SWT1: variants seen among roughly 807,000 people sequenced by gnomAD.
SWT1 encodes the protein SWT1 RNA endoribonuclease homolog.
A neutral mutation model predicts 107.3 loss-of-function variants in SWT1; 33 were observed. The ratio of observed to expected loss-of-function variants is 0.31; its 90% CI spans 0.23 to 0.41. SWT1 has a LOEUF of 0.41. Among genes scored for constraint, SWT1 ranks in the 10% least tolerant of loss-of-function variants. The pLI is 1.00. For synonymous variants in SWT1, 345 were observed against 348.3 expected, an observed-to-expected ratio of 0.99 and a Z score of 0.11; for missense variants, 898 against 1,028.9, an observed-to-expected ratio of 0.87 and a Z score of 1.74.
chr1:185,197,525 A>T (rs1449341608), intron 10 of SWT1, among the ~76,000 whole-genome samples: 1 of 152,178 alleles, frequency 6.6e-6, no homozygotes, highest in Non-Finnish European at 1.5e-5. Context: ...TAGTTTCAGA[A>T]GGAATGGTGC....
At chr1:185,267,364 G>A (rs1663481216) in intron 16 of SWT1, among the ~76,000 whole-genome samples, 1 of 152,208 alleles carries the variant, frequency 6.6e-6, no homozygotes, top group Non-Finnish European at 1.5e-5. Context: ...AATTTAGGGT[G>A]TTAAAGCTGG....
intron 18 of SWT1, 60 bp downstream of exon 18, chr1:185,276,728 C>T: frequency 1.1e-6 from 1 of 880,902 alleles, no homozygotes; most frequent in South Asian, 2.1e-5. Context: ...TATACAGCAG[C>T]ACTTGGTGGT....
At position 185,174,713 on chromosome 1, in the gene SWT1, G is replaced by A. The variant is rs2102346317; in HGVS notation, c.566G>A (p.Gly189Glu). The change falls in exon 5 of 19, where the codon GGA becomes GAA. Residue 189 changes from glycine to glutamate, a missense_variant. By Grantham distance (98) the Gly-to-Glu change is moderately conservative. Transcript: ENST00000367500. ...GAGAAGATGAAAGAACTCAAGAAAG[G>A]AAGAAACAGTAAATTTAGAGACAAT... The part of the protein sequence containing the change: ...QREKMKELKK[G>E]RNSKFRDNSE... 2 of 1,612,892 alleles carry A rather than the reference G, an allele frequency of 1.2e-6. No homozygotes were observed. Among genetic ancestry groups the A allele is most frequent in the Admixed American group, 1.7e-5 (1 of 59,742 alleles).
intron 10 of SWT1, among the ~76,000 whole-genome samples, chr1:185,199,101 C>G (rs1407952513): frequency 1.3e-5 from 2 of 152,016 alleles, no homozygotes; most frequent in African/African-American, 4.8e-5. Flanking sequence ...CCATGCCTGG[C>G]TAATTTTTGT....
intron 16 of SWT1, among the ~76,000 whole-genome samples, chr1:185,255,384 A>G (rs1161237680): frequency 7.0e-6 from 1 of 142,242 alleles, no homozygotes; most frequent in African/African-American, 2.8e-5. Context: ...GTGGGGTGTT[A>G]AAATCTCCCA....
intron 15 of SWT1, among the ~76,000 whole-genome samples, chr1:185,226,213 C>T (rs1660041655): frequency 6.6e-6 from 1 of 152,046 alleles, no homozygotes; most frequent in African/African-American, 2.4e-5. Context: ...GGGAGTTTTG[C>T]GTAGTTTCTG....
At chr1:185,284,364 G>A (rs1034486454) in intron 18 of SWT1, among the ~76,000 whole-genome samples, 5 of 152,216 alleles carry the variant, frequency 3.3e-5, no homozygotes, top group Non-Finnish European at 5.9e-5. Context: ...AAAATCTTAC[G>A]TGATGTTTGA....
intron 16 of SWT1, among the ~76,000 whole-genome samples, chr1:185,243,218 C>T (rs1376163995): frequency 6.6e-6 from 1 of 152,152 alleles, no homozygotes; most frequent in Non-Finnish European, 1.5e-5. Flanking sequence ...AGGTGATCCT[C>T]TCACCTCAGC....
chr1:185,230,055 T>C (rs534225561), intron 15 of SWT1, among the ~76,000 whole-genome samples: 2 of 152,344 alleles, frequency 1.3e-5, no homozygotes, highest in South Asian at 2.1e-4. Context: ...CACTGAATTA[T>C]ATGCTTCAGA....
chr1:185,203,141 CAG>C (rs1420766189), intron 11 of SWT1, among the ~76,000 whole-genome samples: 2 of 152,168 alleles, frequency 1.3e-5, no homozygotes, highest in Admixed American at 6.5e-5. Flanking sequence ...TCAAGTGAAA[CAG>C]AGTATTCCTT....
intron 4 of SWT1, among the ~76,000 whole-genome samples, chr1:185,170,561 T>C (rs550187418): frequency 1.3e-5 from 2 of 152,286 alleles, no homozygotes; most frequent in Admixed American, 1.3e-4. Flanking sequence ...CCCCTAACTC[T>C]GGGTCCCACA....
In SWT1 at chr1:185,160,890, G is replaced by A. The variant is rs1654087830; in HGVS notation, c.49G>A (p.Asp17Asn). The A allele has an allele frequency of 6.2e-7, 1 of 1,613,338 alleles. No individual in the cohort carries two copies. Among genetic ancestry groups the A allele is most frequent in the Non-Finnish European group, 8.5e-7 (1 of 1,179,694 alleles). The change falls in exon 2 of 19, where the codon GAC (aspartate) becomes AAC (asparagine). Residue 17 changes from aspartate (D) to asparagine (N), a missense_variant. Transcript: ENST00000367500. Reference sequence around the variant, plus strand: ...GAAAAAAGAGACATCTCAGAGGAAAGACACCACCACCTCATCACCCAATTT... The same window carrying A: ...GAAAAAAGAGACATCTCAGAGGAAAAACACCACCACCTCATCACCCAATTT... ...CGKKETSQRK[D>N]TTTSSPNFGE...
chr1:185,217,147 C>G (rs930855757), intron 14 of SWT1, among the ~76,000 whole-genome samples: 2 of 152,148 alleles, frequency 1.3e-5, no homozygotes, highest in African/African-American at 4.8e-5. Context: ...CACGCTGTTT[C>G]CAGGATTAGA....
At position 185,291,682 on chromosome 1, in the gene SWT1, T is replaced by C. The variant is rs528943508; in HGVS notation, c.*879T>C. On this transcript the variant is annotated 3_prime_UTR_variant, in exon 19 of 19. Transcript: ENST00000367500. ...TTTTAAAGCAATAAATAACTTATTT[T>C]TGGTAAGATTTGGCTTTTTACTTCC... 1.3e-5 allele frequency: 2 copies of C among 152,628 alleles called. No homozygotes were observed. The highest frequency in any genetic ancestry group is 4.8e-5 in the African/African-American group (2 of 41,458). 9.5% of individuals were successfully genotyped at this position (152,628 alleles called of 1,614,324 possible).
chr1:185,268,809 T>A (rs551983928), intron 16 of SWT1, among the ~76,000 whole-genome samples: 10 of 152,074 alleles, frequency 6.6e-5, no homozygotes, highest in Non-Finnish European at 1.2e-4. Flanking sequence ...AGAATAGGTA[T>A]AAAATATTCC....
At chr1:185,185,056 C>A in intron 9 of SWT1, 125 bp downstream of exon 9, 1 of 617,792 alleles carries the variant, frequency 1.6e-6, no homozygotes, top group Non-Finnish European at 2.5e-6. Context: ...ATGGAAGGGG[C>A]ATTGTGATGG....
At position 185,221,935 on chromosome 1, in the gene SWT1, A is replaced by C; in HGVS notation, c.2208A>C (p.Gln736His). The change falls in exon 15 of 19, where the codon CAA becomes CAC. Residue 736 changes from glutamine (Q) to histidine (H), a missense_variant. Transcript: ENST00000367500. ...CTTCATTGAAGAATTCTCATAATCA[A>C]GAAATCACTGTTTTCTCGAGTTCTC... ...EGTSLKNSHN[Q>H]EITVFSSSHL... 1 of 1,612,756 alleles carries C rather than the reference A, an allele frequency of 6.2e-7. No individual in the cohort carries two copies. The highest frequency in any genetic ancestry group is 8.5e-7 in the Non-Finnish European group (1 of 1,179,368).
chr1:185,214,170 A>G (rs903382385), intron 13 of SWT1, among the ~76,000 whole-genome samples: 5 of 152,152 alleles, frequency 3.3e-5, no homozygotes, highest in Admixed American at 6.6e-5. Flanking sequence ...AAATCACCTC[A>G]GCATTGAAAT....
At chr1:185,163,673 C>T (rs937622110) in intron 2 of SWT1, among the ~76,000 whole-genome samples, 25 of 152,128 alleles carry the variant, frequency 1.6e-4, no homozygotes, top group Non-Finnish European at 2.9e-4. Flanking sequence ...GGATTACAGG[C>T]GTGAGCCACC....
Sources: gnomAD v4.1 joint callset for allele counts (sites outside exome capture counted in the v4.1 genomes callset) on GRCh38, gnomAD v4.1.1 for gene constraint, MANE v1.5 for transcripts, NCBI Gene and HGNC (gene_info 2026-07-23, HGNC 2026-07-21) for gene names.